The following CATSPERE variants were observed in gnomAD, a reference collection of about 807,000 sequenced individuals.
The protein encoded by CATSPERE is cation channel sperm-associated auxiliary subunit epsilon.
In CATSPERE, 93 loss-of-function variants were observed where a neutral mutation model predicts 114.1. That is an observed-to-expected ratio of 0.81 (90% CI 0.69 to 0.97). The LOEUF is 0.97. CATSPERE is among the 50% of genes least tolerant of loss of function. The probability of loss-of-function intolerance (pLI) is 0.00; values close to 1 mark genes in which losing one functional copy is unlikely to be tolerated. For synonymous variants in CATSPERE, 341 were observed against 384.1 expected (o/e 0.89, Z 1.31); for missense variants, 1,058 against 1,131.6 (o/e 0.93, Z 0.93).
intron 2 of CATSPERE, among the ~76,000 whole-genome samples, chr1:244,476,303 T>C (rs971162574): frequency 2.0e-5 from 3 of 152,104 alleles, no homozygotes; most frequent in African/African-American, 4.8e-5. Context: ...GAAAAAACTT[T>C]AGGAATGTAT....
At chr1:244,595,696 C>T (rs186961664) in intron 17 of CATSPERE, among the ~76,000 whole-genome samples, 32 of 152,220 alleles carry the variant, frequency 2.1e-4, no homozygotes, top group Non-Finnish European at 4.1e-4. Flanking sequence ...CTTTGGGAGG[C>T]CGAGGCGGGC....
At chr1:244,587,269 C>G (rs750274769) in intron 13 of CATSPERE, among the ~76,000 whole-genome samples, 1 of 152,158 alleles carries the variant, frequency 6.6e-6, no homozygotes. Context: ...AGTATTGAAT[C>G]TGTTAAAAAG....
At chr1:244,608,295 G>C (rs1001379630) in intron 18 of CATSPERE, among the ~76,000 whole-genome samples, 1 of 152,062 alleles carries the variant, frequency 6.6e-6, no homozygotes, top group African/African-American at 2.4e-5. Flanking sequence ...CACTTTGGGA[G>C]GTTGAAGCGG....
chr1:244,566,936 A>T (rs949760991), intron 10 of CATSPERE, among the ~76,000 whole-genome samples: 1 of 152,014 alleles, frequency 6.6e-6, no homozygotes, highest in Non-Finnish European at 1.5e-5. Context: ...GTTGCTTCAT[A>T]GTGTCGATGG....
intron 5 of CATSPERE, among the ~76,000 whole-genome samples, chr1:244,489,437 A>G (rs1027379025): frequency 2.1e-5 from 3 of 145,784 alleles, no homozygotes; most frequent in Non-Finnish European, 4.5e-5. Flanking sequence ...TGCAGTATTA[A>G]GGAAGCATGC....
chr1:244,604,820 T>TA (rs1334177090), intron 17 of CATSPERE, among the ~76,000 whole-genome samples: 1 of 152,210 alleles, frequency 6.6e-6, no homozygotes, highest in African/African-American at 2.4e-5. Context: ...GTTCACATGG[T>TA]AGCAGGGAGA....
rs968500491 is a variant in CATSPERE at position 244,504,626 on chromosome 1, C to T, written c.429+5547C>T. 3.9e-5 allele frequency among the ~76,000 whole-genome samples: 6 copies of T among 152,140 alleles called. No individual in the cohort carries two copies. The highest frequency in any genetic ancestry group is 1.4e-4 in the African/African-American group (6 of 41,426). ...ATGCCCTTGGAAATGTTGAGGATTGCTGGTCAGATATTTTGTAAAATGTCA... is the reference window on the plus strand; with the variant it reads ...ATGCCCTTGGAAATGTTGAGGATTGTTGGTCAGATATTTTGTAAAATGTCA... On this transcript the variant is annotated intron_variant, in intron 7 of 21. Transcript: ENST00000366534. The surrounding 1 kb of genome is among the most constrained non-coding windows in gnomAD (Gnocchi z 4.1).
chr1:244,624,128 A>ATTTTTTTTTTTTTTTTTT (rs58744339), intron 20 of CATSPERE, among the ~76,000 whole-genome samples: 6 of 125,928 alleles, frequency 4.8e-5, no homozygotes, highest in Admixed American at 8.5e-5. Context: ...TGCCCAGCTA[A>ATTTTTTTTTTTTTTTTTT]TTTTTTTTTT....
At chr1:244,500,479 T>C (rs1306416504) in intron 7 of CATSPERE, among the ~76,000 whole-genome samples, 1 of 152,176 alleles carries the variant, frequency 6.6e-6, no homozygotes, top group Non-Finnish European at 1.5e-5. Flanking sequence ...TGGTTTTAGG[T>C]TTTACATTTA....
chr1:244,581,555 A>G (rs1370666513), intron 11 of CATSPERE, among the ~76,000 whole-genome samples: 1 of 152,202 alleles, frequency 6.6e-6, no homozygotes, highest in Admixed American at 6.5e-5. Flanking sequence ...TAACAGCTCT[A>G]TATCTATACC....
intron 20 of CATSPERE, among the ~76,000 whole-genome samples, chr1:244,630,340 T>C (rs1673771710): frequency 1.3e-5 from 2 of 152,358 alleles, no homozygotes; most frequent in African/African-American, 4.8e-5. Context: ...TACAGTGTAA[T>C]ATATTTAAGT....
chr1:244,634,174 A>T (rs1674334811), intron 20 of CATSPERE, among the ~76,000 whole-genome samples: 1 of 152,032 alleles, frequency 6.6e-6, no homozygotes, highest in Non-Finnish European at 1.5e-5. Flanking sequence ...TAGAATTTAT[A>T]ACATAGTATC....
chr1:244,488,433 G>T (rs1483120783), intron 5 of CATSPERE, among the ~76,000 whole-genome samples: 3 of 151,874 alleles, frequency 2.0e-5, no homozygotes, highest in Non-Finnish European at 4.4e-5. Flanking sequence ...TCAATCCAGG[G>T]TTTTCTCTTC....
intron 9 of CATSPERE, among the ~76,000 whole-genome samples, chr1:244,558,769 CCTT>C (rs2148523484): frequency 6.6e-6 from 1 of 152,170 alleles, no homozygotes; most frequent in East Asian, 1.9e-4. Flanking sequence ...ACTCCCCTCT[CCTT>C]CTCCTTCTCC....
At chr1:244,581,550 G>T (rs1456847359) in intron 11 of CATSPERE, among the ~76,000 whole-genome samples, 1 of 152,068 alleles carries the variant, frequency 6.6e-6, no homozygotes, top group East Asian at 1.9e-4. Flanking sequence ...ACATTTAACA[G>T]CTCTATATCT....
At chr1:244,547,891 C>T (rs920076959) in intron 8 of CATSPERE, among the ~76,000 whole-genome samples, 12 of 152,326 alleles carry the variant, frequency 7.9e-5, no homozygotes, top group African/African-American at 2.9e-4. Context: ...GACCCAATTA[C>T]AAGCTGCCAC....
intron 10 of CATSPERE, among the ~76,000 whole-genome samples, chr1:244,562,518 C>G (rs937792865): frequency 6.6e-6 from 1 of 152,084 alleles, no homozygotes; most frequent in African/African-American, 2.4e-5. Flanking sequence ...ACTTACCCAC[C>G]AGCAAAGTTT....
At chr1:244,601,807 G>T (rs1449891594) in intron 17 of CATSPERE, among the ~76,000 whole-genome samples, 1 of 152,106 alleles carries the variant, frequency 6.6e-6, no homozygotes, top group Non-Finnish European at 1.5e-5. Context: ...ATAGAAATTA[G>T]CCGGGCGTGG....
intron 8 of CATSPERE, among the ~76,000 whole-genome samples, chr1:244,519,027 C>T (rs899380690): frequency 2.0e-5 from 3 of 148,200 alleles, no homozygotes; most frequent in Non-Finnish European, 4.4e-5. Flanking sequence ...CACACACATA[C>T]ACACACACAC....
Sources: gnomAD v4.1 joint callset for allele counts (sites outside exome capture counted in the v4.1 genomes callset) on GRCh38, gnomAD v4.1.1 for gene constraint, Gnocchi (gnomAD v3.1) non-coding constraint, MANE v1.5 for transcripts, NCBI Gene and HGNC (gene_info 2026-07-23, HGNC 2026-07-21) for gene names.